The following TMEM117 variants were observed in gnomAD, a reference collection of about 807,000 sequenced individuals.
The protein encoded by TMEM117 is transmembrane protein 117.
A neutral mutation model predicts 52.4 loss-of-function variants in TMEM117; 27 were observed. The observed-to-expected ratio is 0.51, with a 90% CI of 0.38 to 0.71. TMEM117 has a LOEUF of 0.71. Among genes scored for constraint, TMEM117 ranks in the 30% least tolerant of loss-of-function variants. The pLI is 0.00. For missense variants in TMEM117, 556 were observed against 630.5 expected, an observed-to-expected ratio of 0.88 and a Z score of 1.26; for synonymous variants, 215 against 206.3, an observed-to-expected ratio of 1.04 and a Z score of -0.36.
At chr12:43,826,309 G>A in the TMEM117 span, among the ~76,000 whole-genome samples, 75 of 152,314 alleles carry the variant, frequency 4.9e-4, no homozygotes, top group African/African-American at 1.7e-3. Flanking sequence ...TCTTTTAAGT[G>A]TTTCACATGT....
chr12:44,371,003 G>T (rs957188513), intron 6 of TMEM117, among the ~76,000 whole-genome samples: 10 of 152,096 alleles, frequency 6.6e-5, no homozygotes, highest in African/African-American at 2.4e-4. Flanking sequence ...GGTTTCCAAG[G>T]ATTTATTCGG....
chr12:44,176,368 CTG>C (rs1407622723), intron 4 of TMEM117, among the ~76,000 whole-genome samples: 4 of 152,138 alleles, frequency 2.6e-5, no homozygotes, highest in Non-Finnish European at 4.4e-5. Context: ...TAATACATCT[CTG>C]TTAATATGAA....
intron 2 of TMEM117, among the ~76,000 whole-genome samples, chr12:43,902,625 A>G (rs983673645): frequency 3.9e-5 from 6 of 152,134 alleles, no homozygotes; most frequent in African/African-American, 1.4e-4. Flanking sequence ...GGAACCAGAC[A>G]GACCATGGTA....
At chr12:44,002,438 G>A (rs1278383682) in intron 3 of TMEM117, among the ~76,000 whole-genome samples, 4 of 152,256 alleles carry the variant, frequency 2.6e-5, no homozygotes, top group East Asian at 1.9e-4. Context: ...CTCTCGGGTT[G>A]GGGTCAGTTC....
chr12:44,125,776 T>C (rs1592539358), intron 3 of TMEM117, among the ~76,000 whole-genome samples: 1 of 152,168 alleles, frequency 6.6e-6, no homozygotes, highest in East Asian at 1.9e-4. Flanking sequence ...TGTTTGCTCT[T>C]GGTTCTCTAA....
At chr12:43,825,361 C>T in the TMEM117 span, among the ~76,000 whole-genome samples, 1 of 152,150 alleles carries the variant, frequency 6.6e-6, no homozygotes, top group East Asian at 1.9e-4. Context: ...TGGATTATCC[C>T]AATATGCAGC....
chr12:43,983,528 C>T (rs570190665), intron 3 of TMEM117, among the ~76,000 whole-genome samples: 2 of 124,232 alleles, frequency 1.6e-5, no homozygotes, highest in African/African-American at 5.9e-5. Flanking sequence ...GCAAAAACTG[C>T]AATTACTTTT....
intron 3 of TMEM117, among the ~76,000 whole-genome samples, chr12:44,023,523 G>A (rs1946485311): frequency 1.3e-5 from 2 of 152,012 alleles, no homozygotes; most frequent in Admixed American, 1.3e-4. Context: ...CATTCTAACT[G>A]GTGTGAGATG....
At chr12:43,942,224 A>C (rs981338204) in intron 2 of TMEM117, among the ~76,000 whole-genome samples, 7 of 152,232 alleles carry the variant, frequency 4.6e-5, no homozygotes, top group African/African-American at 1.4e-4. Flanking sequence ...CTTACAGTTG[A>C]ATCTCCAGCA....
At chr12:43,818,433 G>GTT in the TMEM117 span, among the ~76,000 whole-genome samples, 1 of 140,962 alleles carries the variant, frequency 7.1e-6, no homozygotes, top group Non-Finnish European at 1.6e-5. Context: ...TTTTTTTTGT[G>GTT]TTTTTTTTTT....
chr12:44,105,864 T>G (rs2138089867), intron 3 of TMEM117, among the ~76,000 whole-genome samples: 1 of 152,158 alleles, frequency 6.6e-6, no homozygotes, highest in South Asian at 2.1e-4. Context: ...AAGGAGTGTT[T>G]TCCCCTGCTG....
intron 2 of TMEM117, among the ~76,000 whole-genome samples, chr12:43,902,380 G>A (rs1944318123): frequency 6.6e-6 from 1 of 152,184 alleles, no homozygotes; most frequent in Non-Finnish European, 1.5e-5. Context: ...GGATCAGCTG[G>A]GACTTGATTT....
At chr12:44,027,302 T>C (rs1946557393) in intron 3 of TMEM117, among the ~76,000 whole-genome samples, 1 of 151,638 alleles carries the variant, frequency 6.6e-6, no homozygotes, top group South Asian at 2.1e-4. Context: ...ACCTCCCAAG[T>C]AGCTGGGATT....
chr12:44,307,607 T>C (rs948057414), intron 6 of TMEM117, among the ~76,000 whole-genome samples: 11 of 152,172 alleles, frequency 7.2e-5, no homozygotes, highest in Admixed American at 2.6e-4. Flanking sequence ...ATCTCAACTT[T>C]ATTTACTCTC....
In TMEM117 at chr12:44,221,926, T is replaced by C. The variant is rs572746338; in HGVS notation, c.608+10539T>C. Among the ~76,000 whole-genome samples the C allele has an allele frequency of 1.2e-3, 177 of 152,282 alleles. 1 individual carries two copies. Among genetic ancestry groups the C allele is most frequent in the Non-Finnish European group, 5.4e-4 (37 of 68,022 alleles). ...GTTGGCCAGGCTGGTCTCGAACTCC[T>C]GACCTCAGGTAATCCGCCCGCCTTA... On this transcript the variant is annotated intron_variant, in intron 5 of 7. Coordinates refer to ENST00000266534, the MANE Select transcript of TMEM117 (RefSeq NM_032256.3).
At chr12:44,178,981 G>A (rs554186068) in intron 4 of TMEM117, among the ~76,000 whole-genome samples, 2 of 152,188 alleles carry the variant, frequency 1.3e-5, no homozygotes, top group East Asian at 3.9e-4. Flanking sequence ...ATCACCTGAG[G>A]TCAGGAGTTT....
chr12:43,967,132 C>CT (rs60114254), intron 3 of TMEM117, among the ~76,000 whole-genome samples: 131,490 of 146,028 alleles, frequency 0.9, 59,837 homozygotes, highest in East Asian at 0.99. Flanking sequence ...ACTTCTTCTT[C>CT]TTTTTTTTTT....
intron 3 of TMEM117, among the ~76,000 whole-genome samples, chr12:43,983,597 G>A (rs1418888481): frequency 7.2e-6 from 1 of 138,432 alleles, no homozygotes. Context: ...TGTGTGTATG[G>A]TTGGCATTTA....
At chr12:43,818,613 G>A in the TMEM117 span, among the ~76,000 whole-genome samples, 74 of 152,076 alleles carry the variant, frequency 4.9e-4, 1 homozygote, top group African/African-American at 1.8e-3. Context: ...GCTAATTTTT[G>A]TATTTTTAGT....
Sources: gnomAD v4.1 joint callset for allele counts (sites outside exome capture counted in the v4.1 genomes callset) on GRCh38, gnomAD v4.1.1 for gene constraint, MANE v1.5 for transcripts, NCBI Gene and HGNC (gene_info 2026-07-23, HGNC 2026-07-21) for gene names.